Variants in TMTC2 observed in about 807,000 individuals in gnomAD.
TMTC2 encodes protein O-mannosyl-transferase TMTC2.
TMTC2 carries 43 observed loss-of-function variants against 82.4 expected under a neutral mutation model. That is an observed-to-expected ratio of 0.52 (90% CI 0.41 to 0.67). The LOEUF is 0.67. Ranked by LOEUF, TMTC2 falls within the 30% of genes least tolerant of loss-of-function variation. TMTC2 has a pLI of 0.00. For synonymous variants in TMTC2, 408 were observed against 381.9 expected, an observed-to-expected ratio of 1.07 and a Z score of -0.80; for missense variants, 919 against 1,012.4, an observed-to-expected ratio of 0.91 and a Z score of 1.25.
chr12:83,076,677 C>T (rs927904843), intron 11 of TMTC2, among the ~76,000 whole-genome samples: 2 of 152,174 alleles, frequency 1.3e-5, no homozygotes, highest in South Asian at 2.1e-4. Context: ...TAGCCAGCTT[C>T]CTCCGTTTCT....
chr12:82,753,326 C>CTTTTT (rs541318020), intron 1 of TMTC2, among the ~76,000 whole-genome samples: 2 of 129,542 alleles, frequency 1.5e-5, no homozygotes, highest in Non-Finnish European at 3.3e-5. Flanking sequence ...AACATAATGG[C>CTTTTT]TTTTTTTTTT....
rs964316743 is a variant in TMTC2, at chr12:82,832,946, A to T, written c.84-24064A>T. On this transcript the variant is annotated intron_variant, in intron 1 of 11. Coordinates refer to ENST00000321196, the MANE Select transcript of TMTC2 (RefSeq NM_152588.3). ...GGAAATTTAATGTAAAACTTAGGCC[A>T]TGCCCATGGAAGGCACCATGCAAGA... is the stretch of plus-strand genomic sequence containing the variant. Among the ~76,000 whole-genome samples the T allele has an allele frequency of 3.2e-4, 49 of 152,178 alleles. 1 individual carries two copies. The highest frequency in any genetic ancestry group is 3.1e-3 in the Admixed American group (48 of 15,282).
chr12:82,829,173 C>T (rs1869612985), intron 1 of TMTC2, among the ~76,000 whole-genome samples: 1 of 152,094 alleles, frequency 6.6e-6, no homozygotes, highest in Non-Finnish European at 1.5e-5. Flanking sequence ...GTTTTGTTTA[C>T]AAGTGAGGAA....
rs192849051 is a variant in TMTC2, at chr12:82,865,633, A to G, written c.654+8053A>G. On this transcript the variant is annotated intron_variant, in intron 2 of 11. Transcript: ENST00000321196. Reference sequence around the variant, plus strand: ...AGGAAATTAACAAGGTTATCCAGGAATTGAACTCAGCTCTGCACCAAGCGG... The same window carrying G: ...AGGAAATTAACAAGGTTATCCAGGAGTTGAACTCAGCTCTGCACCAAGCGG... 1.6e-4 allele frequency among the ~76,000 whole-genome samples: 25 copies of G among 152,298 alleles called. 1 individual carries two copies. The East Asian group carries it at 4.6e-3, about 28-fold the overall frequency.
chr12:82,777,879 C>G (rs992134547), intron 1 of TMTC2, among the ~76,000 whole-genome samples: 11 of 152,072 alleles, frequency 7.2e-5, no homozygotes, highest in Non-Finnish European at 8.8e-5. Flanking sequence ...TTGCCATTTT[C>G]TCTCTTTCTG....
At chr12:82,796,757 C>G (rs1878740325) in intron 1 of TMTC2, among the ~76,000 whole-genome samples, 1 of 151,986 alleles carries the variant, frequency 6.6e-6, no homozygotes, top group South Asian at 2.1e-4. Context: ...GTCTAAAGAC[C>G]AAGAGCAGGG....
At chr12:82,769,766 A>G (rs948299487) in intron 1 of TMTC2, among the ~76,000 whole-genome samples, 2 of 151,986 alleles carry the variant, frequency 1.3e-5, no homozygotes. Flanking sequence ...GTGTACCACC[A>G]TGCCCAGCTA....
chr12:83,040,703 T>G (rs1407022286), intron 9 of TMTC2, among the ~76,000 whole-genome samples: 2 of 151,156 alleles, frequency 1.3e-5, no homozygotes, highest in Non-Finnish European at 3.0e-5. Context: ...TTTTTTCTTT[T>G]GAGACGGAGT....
At chr12:83,109,028 C>T (rs1220097323) in intron 11 of TMTC2, among the ~76,000 whole-genome samples, 2 of 152,190 alleles carry the variant, frequency 1.3e-5, no homozygotes, top group Admixed American at 1.3e-4. Flanking sequence ...CTCAGATAAT[C>T]TCTCATTCCC....
chr12:82,978,349 G>A (rs190270214), intron 7 of TMTC2, among the ~76,000 whole-genome samples: 13 of 151,790 alleles, frequency 8.6e-5, no homozygotes, highest in African/African-American at 3.1e-4. Context: ...AGCCCTTCAT[G>A]TTGTAAATGA....
At chr12:82,903,969 C>T (rs1276164988) in intron 3 of TMTC2, among the ~76,000 whole-genome samples, 2 of 152,106 alleles carry the variant, frequency 1.3e-5, no homozygotes, top group Admixed American at 6.5e-5. Flanking sequence ...GAGTTAGTTT[C>T]GGATTGTGTG....
At chr12:83,053,065 G>A (rs1275158993) in intron 10 of TMTC2, among the ~76,000 whole-genome samples, 1 of 152,114 alleles carries the variant, frequency 6.6e-6, no homozygotes, top group Non-Finnish European at 1.5e-5. Context: ...ATACCAGTCT[G>A]TTTTCTTATC....
intron 1 of TMTC2, among the ~76,000 whole-genome samples, chr12:82,731,794 T>A (rs1277911391): frequency 6.6e-6 from 1 of 152,244 alleles, no homozygotes; most frequent in Non-Finnish European, 1.5e-5. Flanking sequence ...GGTTCAATTT[T>A]ACATGGAATG....
At chr12:83,026,923 A>T (rs925734909) in intron 8 of TMTC2, among the ~76,000 whole-genome samples, 1 of 152,134 alleles carries the variant, frequency 6.6e-6, no homozygotes, top group African/African-American at 2.4e-5. Context: ...TGATCCCATG[A>T]TATAGATTAG....
At chr12:83,012,237 A>G (rs1880494211) in intron 8 of TMTC2, among the ~76,000 whole-genome samples, 2 of 152,210 alleles carry the variant, frequency 1.3e-5, no homozygotes, top group South Asian at 4.1e-4. Flanking sequence ...TGAACAAAAT[A>G]CATCATTTTA....
chr12:82,724,659 G>A lies in TMTC2; in HGVS notation c.83+36990G>A, dbSNP rs1469505676. Among the ~76,000 whole-genome samples, 4 of 152,262 alleles carry A rather than the reference G, an allele frequency of 2.6e-5. No individual in the cohort carries two copies. In the East Asian group the frequency reaches 7.7e-4, roughly 29 times the overall value. Reference sequence around the variant, plus strand: ...CAGTCTCAGGTGGTTCTTTATAGATGTGTGAAAACGGACTAATACAACTTG... The same window carrying A: ...CAGTCTCAGGTGGTTCTTTATAGATATGTGAAAACGGACTAATACAACTTG... On this transcript the variant is annotated intron_variant, in intron 1 of 11. Transcript: ENST00000321196.
At chr12:82,891,394 C>A (rs535631899) in intron 2 of TMTC2, among the ~76,000 whole-genome samples, 2 of 152,114 alleles carry the variant, frequency 1.3e-5, no homozygotes, top group Admixed American at 6.5e-5. Flanking sequence ...CTGCAACCTC[C>A]GCCTCCTGGG....
chr12:82,957,819 A>T (rs1472826063), intron 4 of TMTC2, among the ~76,000 whole-genome samples: 2 of 152,070 alleles, frequency 1.3e-5, no homozygotes, highest in Non-Finnish European at 2.9e-5. Flanking sequence ...AGAAATAAAA[A>T]CCTGAACAGA....
chr12:82,978,488 G>A (rs1049799796), intron 7 of TMTC2, among the ~76,000 whole-genome samples: 2 of 151,804 alleles, frequency 1.3e-5, no homozygotes, highest in African/African-American at 4.8e-5. Flanking sequence ...GTGTGTGTGT[G>A]TGTAGTTTTC....
Sources: allele counts gnomAD v4.1 joint callset (sites outside exome capture counted in the v4.1 genomes callset), GRCh38; gene constraint gnomAD v4.1.1; transcripts MANE v1.5; gene names NCBI Gene and HGNC (gene_info 2026-07-23, HGNC 2026-07-21).